TUFT1: variants seen among roughly 807,000 people sequenced by gnomAD.
TUFT1 encodes tuftelin 1, also known as tuftelin.
A neutral mutation model predicts 57.8 loss-of-function variants in TUFT1; 43 were observed. The observed-to-expected ratio is 0.74, with a 90% CI of 0.58 to 0.96. The LOEUF (loss-of-function observed/expected upper bound fraction) is 0.96. TUFT1 is among the 40% of genes least tolerant of loss of function. The pLI, the probability that TUFT1 is intolerant of heterozygous loss-of-function variation, is 0.00. For missense variants in TUFT1, 459 were observed against 489.0 expected (o/e 0.94, Z 0.58); for synonymous variants, 166 against 176.7 (o/e 0.94, Z 0.48).
intron 1 of TUFT1, among the ~76,000 whole-genome samples, chr1:151,548,660 T>C (rs922710425): frequency 1.8e-4 from 28 of 152,056 alleles, no homozygotes; most frequent in African/African-American, 6.0e-4. Context: ...TGAGAGGCCA[T>C]GTACACTTGG....
At chr1:151,551,005 G>A (rs1456051495) in intron 1 of TUFT1, among the ~76,000 whole-genome samples, 2 of 152,208 alleles carry the variant, frequency 1.3e-5, no homozygotes, top group East Asian at 3.8e-4. Flanking sequence ...GCCATTGCAT[G>A]CAATGCTACT....
At chr1:151,562,269 G>A in intron 2 of TUFT1, 104 bp downstream of exon 2, 1 of 1,025,032 alleles carries the variant, frequency 9.8e-7, no homozygotes, top group South Asian at 1.4e-5. Flanking sequence ...GGTGATGCGA[G>A]CGTGGGAGCC....
At chr1:151,581,161 C>T (rs1436089779) in intron 12 of TUFT1, 119 bp downstream of exon 12, 1 of 939,832 alleles carries the variant, frequency 1.1e-6, no homozygotes, top group East Asian at 2.6e-5. Flanking sequence ...AACTTTCCTC[C>T]CTCAGTCTGA....
At chr1:151,561,848 A>G in intron 1 of TUFT1, 1 of 1,477,486 alleles carries the variant, frequency 6.8e-7, no homozygotes. Flanking sequence ...CTACAGAGCC[A>G]TGTGCCAGGT....
At chr1:151,577,237 A>G (rs1319269031) in intron 9 of TUFT1, among the ~76,000 whole-genome samples, 4 of 152,186 alleles carry the variant, frequency 2.6e-5, no homozygotes, top group South Asian at 2.1e-4. Context: ...TTACATTGGC[A>G]TGATTGATTA....
At chr1:151,551,642 C>T (rs377102330) in intron 1 of TUFT1, among the ~76,000 whole-genome samples, 5 of 152,020 alleles carry the variant, frequency 3.3e-5, no homozygotes, top group East Asian at 1.9e-4. Context: ...GGTGGGAGCA[C>T]GTATTGCACT....
chr1:151,575,412 G>A, intron 9 of TUFT1, among the ~76,000 whole-genome samples: 1 of 152,148 alleles, frequency 6.6e-6, no homozygotes, highest in East Asian at 1.9e-4. Flanking sequence ...TAACAGTCAT[G>A]CTGATGAAAA....
chr1:151,570,623 A>C (rs1666226300), intron 7 of TUFT1, among the ~76,000 whole-genome samples: 1 of 152,080 alleles, frequency 6.6e-6, no homozygotes, highest in African/African-American at 2.4e-5. Context: ...GAAATCTATA[A>C]ATGGAGAGTA....
At position 151,581,021 on chromosome 1, in the gene TUFT1, C is replaced by T. The variant is rs1306342880; in HGVS notation, c.1088C>T (p.Ala363Val). ...GGCAACTTCAGCACCCAGGCCCGGG[C>T]CAAGACAGAGAACCCGGGCAGGTGA... ...SHGNFSTQAR[A>V]KTENPGSIRI... The change falls in exon 12 of 13, where the codon GCC (alanine) becomes GTC (valine). Residue 363 changes from alanine (A) to valine (V), a missense_variant. By Grantham distance (64) the Ala-to-Val change is moderately conservative. Coordinates refer to ENST00000368849, the MANE Select transcript of TUFT1 (RefSeq NM_020127.3). The T allele has an allele frequency of 3.7e-6, 6 of 1,613,978 alleles. No individual in the cohort carries two copies. Among genetic ancestry groups the T allele is most frequent in the Non-Finnish European group, 4.2e-6 (5 of 1,180,026 alleles).
rs1558008214 is a variant in TUFT1, at chr1:151,562,627, G to A, written c.178G>A (p.Gly60Ser). 1 of 1,613,044 alleles carries A rather than the reference G, an allele frequency of 6.2e-7. No homozygotes were observed. Among genetic ancestry groups the A allele is most frequent in the Non-Finnish European group, 8.5e-7 (1 of 1,180,004 alleles). ...TYAMVSSHSA[G>S]HSLASELVES... ...TGCCATGGTGTCCAGCCACTCAGCT[G>A]GTCATTCTCTGGCTTCAGAACTGGT... The change falls in exon 3 of 13, where the codon GGT (glycine) becomes AGT (serine). Residue 60 changes from glycine to serine, a missense_variant. By Grantham distance (56) the Gly-to-Ser change is moderately conservative. Coordinates refer to ENST00000368849, the MANE Select transcript of TUFT1 (RefSeq NM_020127.3).
chr1:151,574,928 G>A lies in TUFT1; in HGVS notation c.741G>A (p.Leu247=). The change falls in exon 9 of 13, where the codon CTG becomes CTA. Residue 247 remains leucine (L), a synonymous_variant. Coordinates refer to ENST00000368849, the MANE Select transcript of TUFT1 (RefSeq NM_020127.3). ...CCACCCAGGAGCATCAGGCCTTACT[G>A]GCGAAAGTGAGGGAAGGGGAGGTGG... ...LGMETEHQAL[L]AKVREGEVAL... 6.4e-7 allele frequency: 1 copy of A among 1,574,446 alleles called. No individual in the cohort carries two copies. The highest frequency in any genetic ancestry group is 8.6e-7 in the Non-Finnish European group (1 of 1,159,506).
Position 151,581,818 on chromosome 1 carries a change from C to G in TUFT1, c.*111C>G. On this transcript the variant is annotated 3_prime_UTR_variant, in exon 13 of 13. Coordinates refer to ENST00000368849, the MANE Select transcript of TUFT1 (RefSeq NM_020127.3). The stretch of plus-strand genomic sequence containing the variant: ...ACTTCCTGACTGTCCCCTGGCTGCA[C>G]CCAGGACTTCGGGCTCCTGTGTCTC... The G allele has an allele frequency of 8.6e-7, 1 of 1,168,482 alleles. No homozygotes were observed. Among genetic ancestry groups the G allele is most frequent in the Non-Finnish European group, 1.3e-6 (1 of 794,832 alleles). 72.4% of individuals were successfully genotyped at this position (1,168,482 alleles called of 1,614,324 possible). A position where few individuals can be genotyped will look rare whatever the true frequency, so the allele number is the denominator to read the frequency against.
At chr1:151,565,711 C>T (rs1221889260) in intron 5 of TUFT1, among the ~76,000 whole-genome samples, 3 of 152,180 alleles carry the variant, frequency 2.0e-5, no homozygotes, top group Non-Finnish European at 4.4e-5. Flanking sequence ...GTAATTTTTG[C>T]TTTGTCAAAC....
At chr1:151,576,320 C>G (rs1666461850) in intron 9 of TUFT1, among the ~76,000 whole-genome samples, 1 of 152,162 alleles carries the variant, frequency 6.6e-6, no homozygotes, top group Non-Finnish European at 1.5e-5. Flanking sequence ...TCCTCTACTC[C>G]TAACACTTCT....
At chr1:151,553,092 A>G (rs1452096168) in intron 1 of TUFT1, among the ~76,000 whole-genome samples, 1 of 151,860 alleles carries the variant, frequency 6.6e-6, no homozygotes, top group Non-Finnish European at 1.5e-5. Flanking sequence ...AAGGTGGGTC[A>G]GATAATTTTT....
At chr1:151,570,188 G>A (rs1433249867) in intron 7 of TUFT1, among the ~76,000 whole-genome samples, 1 of 152,188 alleles carries the variant, frequency 6.6e-6, no homozygotes, top group Non-Finnish European at 1.5e-5. Flanking sequence ...CATAAACGTG[G>A]ACTGGATGAG....
At chr1:151,549,108 A>G (rs1283252666) in intron 1 of TUFT1, among the ~76,000 whole-genome samples, 1 of 152,122 alleles carries the variant, frequency 6.6e-6, no homozygotes, top group African/African-American at 2.4e-5. Context: ...AAAAATGTTT[A>G]TGAGGTTAGA....
At chr1:151,581,602 G>A (rs757147006) in intron 12 of TUFT1, 42 bp from the exon 13 acceptor site, 1 of 1,605,576 alleles carries the variant, frequency 6.2e-7, no homozygotes, top group African/African-American at 1.3e-5. Flanking sequence ...CCACAACACA[G>A]CTGTTCCCAG....
intron 5 of TUFT1, 119 bp downstream of exon 5, chr1:151,564,733 A>G: frequency 1.2e-6 from 1 of 829,194 alleles, no homozygotes; most frequent in Non-Finnish European, 2.0e-6. Context: ...GAATGGAGAA[A>G]ATAGAGGTGA....
Sources: gnomAD v4.1 joint callset for allele counts (sites outside exome capture counted in the v4.1 genomes callset) on GRCh38, gnomAD v4.1.1 for gene constraint, MANE v1.5 for transcripts, NCBI Gene and HGNC (gene_info 2026-07-23, HGNC 2026-07-21) for gene names.